The following KSR2 variants were observed in gnomAD, a reference collection of about 807,000 sequenced individuals.
KSR2 encodes kinase suppressor of ras 2.
KSR2 carries 25 observed loss-of-function variants against 107.8 expected under a neutral mutation model. The ratio of observed to expected loss-of-function variants is 0.23; its 90% CI spans 0.17 to 0.32. The LOEUF is 0.32. Ranked by LOEUF, KSR2 falls within the 10% of genes least tolerant of loss-of-function variation. KSR2 has a pLI of 1.00. For missense variants in KSR2, 887 were observed against 1,268.9 expected, an observed-to-expected ratio of 0.70 and a Z score of 4.57; for synonymous variants, 480 against 507.0, an observed-to-expected ratio of 0.95 and a Z score of 0.71.
intron 1 of KSR2, among the ~76,000 whole-genome samples, chr12:117,950,452 A>G (rs1896328349): frequency 6.6e-6 from 1 of 152,090 alleles, no homozygotes; most frequent in Admixed American, 6.6e-5. Flanking sequence ...ATAAATGTTG[A>G]GGCCAAGCAC....
At chr12:117,735,673 G>T (rs761003464) in intron 4 of KSR2, among the ~76,000 whole-genome samples, 1 of 152,150 alleles carries the variant, frequency 6.6e-6, no homozygotes. Context: ...TCAACAACAG[G>T]CCTGTAGGAT....
At chr12:117,783,831 T>A (rs527824860) in intron 3 of KSR2, among the ~76,000 whole-genome samples, 1 of 152,190 alleles carries the variant, frequency 6.6e-6, no homozygotes, top group African/African-American at 2.4e-5. Context: ...GGCAGAATCC[T>A]TGGGGTTTTT....
chr12:117,906,763 T>C (rs1455437902), intron 1 of KSR2, among the ~76,000 whole-genome samples: 1 of 152,130 alleles, frequency 6.6e-6, no homozygotes, highest in Non-Finnish European at 1.5e-5. Context: ...TACACATCAC[T>C]GGCCGGGCAT....
chr12:117,581,600 A>C (rs570592608), intron 6 of KSR2, among the ~76,000 whole-genome samples: 1 of 152,298 alleles, frequency 6.6e-6, no homozygotes, highest in African/African-American at 2.4e-5. Flanking sequence ...CACCCTGCTA[A>C]GTTTGTGAGG....
At chr12:117,871,694 A>C (rs1248561939) in intron 1 of KSR2, among the ~76,000 whole-genome samples, 1 of 115,262 alleles carries the variant, frequency 8.7e-6, no homozygotes, top group Non-Finnish European at 1.8e-5. Context: ...ATACAGATAG[A>C]TAGATATATA....
At chr12:117,829,351 CCTT>C (rs747346151) in intron 3 of KSR2, among the ~76,000 whole-genome samples, 66 of 152,130 alleles carry the variant, frequency 4.3e-4, no homozygotes, top group Admixed American at 1.6e-3. Flanking sequence ...GCTTCCCTAA[CCTT>C]CTCCTATGCT....
intron 1 of KSR2, among the ~76,000 whole-genome samples, chr12:117,917,072 A>T (rs1593367126): frequency 6.6e-6 from 1 of 152,180 alleles, no homozygotes; most frequent in Non-Finnish European, 1.5e-5. Flanking sequence ...ACCTTTACCC[A>T]TGAGATGCTA....
chr12:117,556,535 G>A (rs1877706761), intron 8 of KSR2, among the ~76,000 whole-genome samples: 1 of 152,180 alleles, frequency 6.6e-6, no homozygotes, highest in African/African-American at 2.4e-5. Flanking sequence ...TGTTTTTGGA[G>A]ATAAACAGTG....
chr12:117,694,294 C>A (rs1264993015), intron 4 of KSR2, among the ~76,000 whole-genome samples: 1 of 152,154 alleles, frequency 6.6e-6, no homozygotes, highest in Non-Finnish European at 1.5e-5. Flanking sequence ...CCATACTGTT[C>A]TCGTGGTAGT....
At chr12:117,701,937 C>G (rs1293290783) in intron 4 of KSR2, among the ~76,000 whole-genome samples, 1 of 152,202 alleles carries the variant, frequency 6.6e-6, no homozygotes, top group East Asian at 1.9e-4. Context: ...ATTTCTATTG[C>G]TTTCAGCCAT....
Position 117,968,314 on chromosome 12 carries a change from G to A in KSR2, c.-59C>T. The A allele has an allele frequency of 6.9e-7, 1 of 1,453,648 alleles. No homozygotes were observed. The allele number at this position is 1,453,648 out of a possible 1,614,324, so 90.0% of individuals were successfully genotyped here. ...CTCCCAGAGAGAAAAAAGAGGGGGG[G>A]GAGTAGAGGTAGTCTACCCTCCGCC... On this transcript the variant is annotated 5_prime_UTR_variant, in exon 1 of 20. Transcript: ENST00000339824.
Position 117,538,056 on chromosome 12 carries a change from C to T in KSR2, c.1687+1663G>A, listed in dbSNP as rs990903326. ...GAGTGAAGTGGCTATTGGAAAGCAT[C>T]GGGCTCACTTCCCCCAGGTGTGGGT... On this transcript the variant is annotated intron_variant, in intron 10 of 19. Coordinates refer to ENST00000339824, the MANE Select transcript of KSR2 (RefSeq NM_173598.6). Among the ~76,000 whole-genome samples, 4 of 152,182 alleles carry T rather than the reference C, an allele frequency of 2.6e-5. No homozygotes were observed. In the South Asian group the frequency reaches 6.2e-4, roughly 24 times the overall value.
At chr12:117,863,413 A>C (rs1002178391) in intron 1 of KSR2, among the ~76,000 whole-genome samples, 3 of 152,188 alleles carry the variant, frequency 2.0e-5, no homozygotes, top group Non-Finnish European at 2.9e-5. Flanking sequence ...TCACATTCCC[A>C]GCCACACCCA....
intron 4 of KSR2, among the ~76,000 whole-genome samples, chr12:117,750,249 TA>T (rs34642697): frequency 0.73 from 88,928 of 122,228 alleles, 31,803 homozygotes; most frequent in East Asian, 0.81. Flanking sequence ...GACTCTGTCT[TA>T]AAAAAAAAAA....
intron 3 of KSR2, among the ~76,000 whole-genome samples, chr12:117,774,858 A>G (rs1380454922): frequency 6.6e-6 from 1 of 151,160 alleles, no homozygotes; most frequent in Non-Finnish European, 1.5e-5. Context: ...GCCCTAAACT[A>G]TTTTCTGTCT....
intron 6 of KSR2, among the ~76,000 whole-genome samples, chr12:117,580,268 C>G (rs982304619): frequency 4.1e-4 from 63 of 152,308 alleles, no homozygotes; most frequent in African/African-American, 1.4e-3. Context: ...ACACTTACTG[C>G]CAAGAAAACT....
chr12:117,476,147 C>T (rs972185724), intron 17 of KSR2, among the ~76,000 whole-genome samples: 8 of 152,242 alleles, frequency 5.3e-5, no homozygotes, highest in African/African-American at 9.6e-5. Context: ...ATAATGAAGA[C>T]AACACTGAAT....
intron 5 of KSR2, among the ~76,000 whole-genome samples, chr12:117,636,161 A>C (rs1883062465): frequency 6.6e-6 from 1 of 152,122 alleles, no homozygotes; most frequent in Admixed American, 6.5e-5. Context: ...GTCTTTTTCT[A>C]TTGTAAGATC....
intron 7 of KSR2, among the ~76,000 whole-genome samples, chr12:117,577,828 A>C (rs1327893108): frequency 6.6e-6 from 1 of 152,238 alleles, no homozygotes; most frequent in African/African-American, 2.4e-5. Context: ...GCTGCAATTC[A>C]AGATGAGATT....
Sources: gnomAD v4.1 joint callset for allele counts (sites outside exome capture counted in the v4.1 genomes callset) on GRCh38, gnomAD v4.1.1 for gene constraint, MANE v1.5 for transcripts, NCBI Gene and HGNC (gene_info 2026-07-23, HGNC 2026-07-21) for gene names.